Variants in SPATS2L observed in about 807,000 individuals in gnomAD.
The protein encoded by SPATS2L is spermatogenesis associated serine rich 2 like, also known as SPATS2-like protein.
In SPATS2L, 30 loss-of-function variants were observed where a neutral mutation model predicts 59.6. The ratio of observed to expected loss-of-function variants is 0.50; its 90% CI spans 0.38 to 0.68. The LOEUF is 0.68. Ranked by LOEUF, SPATS2L falls within the 30% of genes least tolerant of loss-of-function variation. SPATS2L has a pLI of 0.00. For missense variants in SPATS2L, 615 were observed against 700.0 expected (o/e 0.88, Z 1.37); for synonymous variants, 252 against 263.5 (o/e 0.96, Z 0.42).
At chr2:200,423,584 C>T (rs1271625192) in intron 6 of SPATS2L, among the ~76,000 whole-genome samples, 2 of 152,048 alleles carry the variant, frequency 1.3e-5, no homozygotes, top group African/African-American at 4.8e-5. Context: ...ACTGCTAAAA[C>T]CATGGGTTAC....
chr2:200,309,692 CAATT>C (rs1457361372), intron 1 of SPATS2L, among the ~76,000 whole-genome samples: 1 of 152,118 alleles, frequency 6.6e-6, no homozygotes, highest in Non-Finnish European at 1.5e-5. Flanking sequence ...TGTAATCACA[CAATT>C]AAAATAAGAT....
chr2:200,336,584 T>C (rs2080150729), intron 2 of SPATS2L, among the ~76,000 whole-genome samples: 1 of 152,178 alleles, frequency 6.6e-6, no homozygotes, highest in Non-Finnish European at 1.5e-5. Flanking sequence ...CCTATTAAAG[T>C]GTATTTGATT....
intron 1 of SPATS2L, among the ~76,000 whole-genome samples, chr2:200,320,148 T>C (rs977747226): frequency 6.6e-6 from 1 of 152,136 alleles, no homozygotes; most frequent in African/African-American, 2.4e-5. Context: ...TACTTTGTTA[T>C]CCAAGAGCAT....
At chr2:200,376,208 T>G (rs1261706524) in intron 2 of SPATS2L, among the ~76,000 whole-genome samples, 1 of 152,182 alleles carries the variant, frequency 6.6e-6, no homozygotes, top group East Asian at 1.9e-4. Flanking sequence ...TCTGTTAAAG[T>G]CATGTATATT....
intron 2 of SPATS2L, among the ~76,000 whole-genome samples, chr2:200,332,746 T>TG (rs1451073252): frequency 8.6e-6 from 1 of 116,498 alleles, no homozygotes; most frequent in East Asian, 4.3e-4. Context: ...ATTTTTTTTT[T>TG]GAAAAAAAAA....
chr2:200,450,505 G>T (rs2085364523), intron 8 of SPATS2L, among the ~76,000 whole-genome samples: 2 of 152,146 alleles, frequency 1.3e-5, no homozygotes, highest in Admixed American at 1.3e-4. Context: ...CCCCTTTCTT[G>T]TCTTGCCATG....
chr2:200,460,622 G>A (rs2086167442), intron 9 of SPATS2L, among the ~76,000 whole-genome samples: 1 of 151,378 alleles, frequency 6.6e-6, no homozygotes, highest in African/African-American at 2.4e-5. Flanking sequence ...GTAGTGGTGG[G>A]CACCTGTAGT....
chr2:200,327,772 G>A (rs755016786), intron 1 of SPATS2L, among the ~76,000 whole-genome samples: 2 of 152,268 alleles, frequency 1.3e-5, no homozygotes, highest in Middle Eastern at 3.4e-3. Flanking sequence ...GAAAGCAAAT[G>A]TATCTAGGTG....
At chr2:200,320,160 G>C (rs1180024963) in intron 1 of SPATS2L, among the ~76,000 whole-genome samples, 2 of 151,992 alleles carry the variant, frequency 1.3e-5, no homozygotes, top group African/African-American at 4.8e-5. Context: ...CAAGAGCATA[G>C]AGTCAGGGAA....
At chr2:200,474,062 T>C (rs184458694) in intron 12 of SPATS2L, among the ~76,000 whole-genome samples, 1 of 151,058 alleles carries the variant, frequency 6.6e-6, no homozygotes, top group Non-Finnish European at 1.5e-5. Flanking sequence ...GCTATAAAGA[T>C]ACCTAAGATA....
chr2:200,421,550 A>G (rs2083307002), intron 6 of SPATS2L, among the ~76,000 whole-genome samples: 1 of 152,242 alleles, frequency 6.6e-6, no homozygotes. Context: ...GTAAGTTCTT[A>G]AATTGCTCAC....
At chr2:200,307,584 C>T (rs772873758) in intron 1 of SPATS2L, among the ~76,000 whole-genome samples, 1 of 152,154 alleles carries the variant, frequency 6.6e-6, no homozygotes, top group Non-Finnish European at 1.5e-5. Flanking sequence ...CGGGGGGACC[C>T]CGGAGTCCGC....
intron 8 of SPATS2L, among the ~76,000 whole-genome samples, chr2:200,458,640 T>C (rs2086021187): frequency 1.3e-5 from 2 of 151,996 alleles, no homozygotes; most frequent in Admixed American, 1.3e-4. Context: ...AGAAAACAGA[T>C]GAGAGGGAAC....
At chr2:200,477,517 A>AAAAAAAAAAAAAAAAT (rs2087632072) in intron 12 of SPATS2L, 119 bp from the exon 13 acceptor site, 1 of 53,270 alleles carries the variant, frequency 1.9e-5, no homozygotes, top group Non-Finnish European at 4.0e-5. Flanking sequence ...CTGGTGTATA[A>AAAAAAAAAAAAAAAAT]AAAAAAAAAA....
rs181761818 is a variant in SPATS2L at position 200,429,120 on chromosome 2, G to A, written c.445+9624G>A. On this transcript the variant is annotated intron_variant, in intron 6 of 12. Transcript: ENST00000409140. ...TCCACCCTCCTTGCATGGCACATTC[G>A]TTCTTGCCCTCTCTACTTTAGCTAT... is the stretch of plus-strand genomic sequence containing the variant. Among the ~76,000 whole-genome samples, 32 of 152,254 alleles carry A rather than the reference G, an allele frequency of 2.1e-4. No homozygotes were observed. The East Asian group carries it at 4.4e-3, about 21-fold the overall frequency.
chr2:200,393,130 A>T, intron 3 of SPATS2L: 1 of 450,260 alleles, frequency 2.2e-6, no homozygotes, highest in South Asian at 1.6e-5. Flanking sequence ...CATGGTGCTG[A>T]TCGAGGATTG....
rs2087701089 is a variant in SPATS2L at position 200,478,584 on chromosome 2, A to G, written c.*553A>G. 6.6e-6 allele frequency: 1 copy of G among 152,650 alleles called. No homozygotes were observed. The highest frequency in any genetic ancestry group is 2.4e-5 in the African/African-American group (1 of 41,450). The allele number at this position is 152,650 out of a possible 1,614,324, so 9.5% of individuals were successfully genotyped here. A position where few individuals can be genotyped will look rare whatever the true frequency, so the allele number is the denominator to read the frequency against. On this transcript the variant is annotated 3_prime_UTR_variant, in exon 13 of 13. Transcript: ENST00000409140. ...CACCTAGTTATTGAATGTACTGTTT[A>G]GTGCTTTCAAAAAAAACTTTAGAGA...
At chr2:200,418,717 C>G (rs2106008648) in intron 5 of SPATS2L, among the ~76,000 whole-genome samples, 1 of 152,132 alleles carries the variant, frequency 6.6e-6, no homozygotes. Flanking sequence ...ATTTCAGAGA[C>G]CCAACCTGAA....
intron 8 of SPATS2L, among the ~76,000 whole-genome samples, chr2:200,445,468 G>C (rs116687699): frequency 2.4e-4 from 36 of 152,276 alleles, no homozygotes; most frequent in African/African-American, 8.7e-4. Flanking sequence ...TTATCAATGT[G>C]GTCAACAGGT....
Sources: allele counts gnomAD v4.1 joint callset (sites outside exome capture counted in the v4.1 genomes callset), GRCh38; gene constraint gnomAD v4.1.1; transcripts MANE v1.5; gene names NCBI Gene and HGNC (gene_info 2026-07-23, HGNC 2026-07-21).